Variants in MAML2 observed in about 807,000 individuals in gnomAD.
MAML2 encodes the protein mastermind-like protein 2.
MAML2 carries 22 observed loss-of-function variants against 96.1 expected under a neutral mutation model. The ratio of observed to expected loss-of-function variants is 0.23; its 90% CI spans 0.16 to 0.33. The LOEUF (loss-of-function observed/expected upper bound fraction) is 0.33, where lower values mean the gene tolerates loss of function less well. MAML2 is among the 10% of genes least tolerant of loss of function. The pLI, the probability that MAML2 is intolerant of heterozygous loss-of-function variation, is 1.00. For synonymous variants in MAML2, 561 were observed against 521.3 expected, an observed-to-expected ratio of 1.08 and a Z score of -1.04; for missense variants, 1,367 against 1,392.4, an observed-to-expected ratio of 0.98 and a Z score of 0.29.
At chr11:96,319,085 C>T (rs1364462776) in intron 1 of MAML2, among the ~76,000 whole-genome samples, 1 of 152,210 alleles carries the variant, frequency 6.6e-6, no homozygotes, top group Non-Finnish European at 1.5e-5. Context: ...TGATCTCTCT[C>T]TTGGATCACT....
At chr11:96,305,727 T>A (rs1053778676) in intron 1 of MAML2, among the ~76,000 whole-genome samples, 1 of 152,130 alleles carries the variant, frequency 6.6e-6, no homozygotes, top group Non-Finnish European at 1.5e-5. Flanking sequence ...TTCCACAACT[T>A]CTATGATGAA....
At chr11:96,130,535 A>C (rs1259658236) in intron 1 of MAML2, among the ~76,000 whole-genome samples, 1 of 152,220 alleles carries the variant, frequency 6.6e-6, no homozygotes, top group East Asian at 1.9e-4. Context: ...ATCTAGGGAC[A>C]CGAAAGATGA....
intron 1 of MAML2, among the ~76,000 whole-genome samples, chr11:96,340,679 TCTAAGGGAGCATTA>T (rs1281633208): frequency 2.0e-5 from 3 of 152,196 alleles, no homozygotes; most frequent in Non-Finnish European, 4.4e-5. Context: ...TAACGAATGC[TCTAAGGGAGCATTA>T]CTGGATTGGA....
At chr11:96,289,799 C>T (rs1213902191) in intron 1 of MAML2, among the ~76,000 whole-genome samples, 1 of 151,844 alleles carries the variant, frequency 6.6e-6, no homozygotes, top group African/African-American at 2.4e-5. Flanking sequence ...TGGGTATACA[C>T]ATCATACATT....
chr11:96,335,187 A>T (rs1565287378), intron 1 of MAML2, among the ~76,000 whole-genome samples: 1 of 152,256 alleles, frequency 6.6e-6, no homozygotes. Flanking sequence ...CAAGTAAAAA[A>T]TTTGTAACAC....
At chr11:96,145,828 C>T (rs968767229) in intron 1 of MAML2, among the ~76,000 whole-genome samples, 1 of 151,956 alleles carries the variant, frequency 6.6e-6, no homozygotes, top group South Asian at 2.1e-4. Context: ...GCCAACATGG[C>T]GAAACCCCGT....
rs1408136811 is a variant in MAML2, at chr11:96,131,946, G to T, written c.514-38429C>A. Among the ~76,000 whole-genome samples, 3 of 152,142 alleles carry T rather than the reference G, an allele frequency of 2.0e-5. No individual in the cohort carries two copies. The East Asian group carries it at 5.8e-4, about 29-fold the overall frequency. ...AATCTCTTGAACCCAGGAGGTAGAG[G>T]TTGCAGTGAGCCGAGACTGTGCTAT... On this transcript the variant is annotated intron_variant, in intron 1 of 4. Transcript: ENST00000524717.
intron 1 of MAML2, among the ~76,000 whole-genome samples, chr11:96,183,014 G>A (rs1861512546): frequency 6.9e-6 from 1 of 145,254 alleles, no homozygotes; most frequent in South Asian, 2.2e-4. Flanking sequence ...CTGGAGTGCA[G>A]TGGCATGATC....
intron 1 of MAML2, among the ~76,000 whole-genome samples, chr11:96,145,419 C>T (rs1283216217): frequency 6.6e-6 from 1 of 152,172 alleles, no homozygotes. Context: ...ACTCTGCCTC[C>T]TCATTTAAAT....
At chr11:96,143,290 C>A (rs1860764341) in intron 1 of MAML2, among the ~76,000 whole-genome samples, 1 of 152,088 alleles carries the variant, frequency 6.6e-6, no homozygotes, top group Admixed American at 6.5e-5. Context: ...CTTAAATATG[C>A]CTAATTACAA....
At chr11:96,286,683 T>C (rs1190920691) in intron 1 of MAML2, among the ~76,000 whole-genome samples, 1 of 151,810 alleles carries the variant, frequency 6.6e-6, no homozygotes, top group African/African-American at 2.4e-5. Flanking sequence ...TAATGTTTGT[T>C]GAATAAATTA....
chr11:96,336,257 G>GT (rs1332957994), intron 1 of MAML2, among the ~76,000 whole-genome samples: 1 of 152,060 alleles, frequency 6.6e-6, no homozygotes, highest in Non-Finnish European at 1.5e-5. Flanking sequence ...TTACTCACCT[G>GT]TTTTTTGCAG....
chr11:96,056,195 C>T (rs747760555), intron 2 of MAML2, among the ~76,000 whole-genome samples: 1 of 152,114 alleles, frequency 6.6e-6, no homozygotes, highest in Non-Finnish European at 1.5e-5. Flanking sequence ...GCATCCCTGC[C>T]CCCACAGGGC....
chr11:96,087,972 G>A (rs188777500), intron 2 of MAML2, among the ~76,000 whole-genome samples: 2 of 152,170 alleles, frequency 1.3e-5, no homozygotes, highest in Non-Finnish European at 1.5e-5. Flanking sequence ...GCATATGAAA[G>A]TTACATTGAT....
intron 1 of MAML2, among the ~76,000 whole-genome samples, chr11:96,128,775 A>G (rs1419842320): frequency 6.6e-6 from 1 of 152,246 alleles, no homozygotes; most frequent in African/African-American, 2.4e-5. Context: ...GCAAAATGGC[A>G]TTTAAGTGAT....
intron 2 of MAML2, among the ~76,000 whole-genome samples, chr11:96,034,343 C>T (rs1858665355): frequency 6.6e-6 from 1 of 151,946 alleles, no homozygotes; most frequent in Non-Finnish European, 1.5e-5. Flanking sequence ...CCCCATCTCC[C>T]TGTCCTTTCA....
Position 96,203,762 on chromosome 11 carries a change from G to T in MAML2, c.514-110245C>A, listed in dbSNP as rs1018568454. ...ACTTTGGAATGAGTGAATCAGTGCAGGTCAGCCATGCATGAAAATATTTAG... is the reference window on the plus strand; with the variant it reads ...ACTTTGGAATGAGTGAATCAGTGCATGTCAGCCATGCATGAAAATATTTAG... On this transcript the variant is annotated intron_variant, in intron 1 of 4. Transcript: ENST00000524717. Among the ~76,000 whole-genome samples, 5 of 152,196 alleles carry T rather than the reference G, an allele frequency of 3.3e-5. No homozygotes were observed. The East Asian group carries it at 9.6e-4, about 29-fold the overall frequency.
At chr11:96,339,805 C>A (rs542159194) in intron 1 of MAML2, among the ~76,000 whole-genome samples, 1 of 152,300 alleles carries the variant, frequency 6.6e-6, no homozygotes, top group African/African-American at 2.4e-5. Flanking sequence ...CTTTACCCCC[C>A]TCCTTTACCC....
At chr11:96,007,557 C>T (rs927347180) in intron 2 of MAML2, among the ~76,000 whole-genome samples, 1 of 151,894 alleles carries the variant, frequency 6.6e-6, no homozygotes, top group Non-Finnish European at 1.5e-5. Flanking sequence ...TTTTCTTTTA[C>T]TACATAGTGG....
Sources: allele counts gnomAD v4.1 joint callset (sites outside exome capture counted in the v4.1 genomes callset), GRCh38; gene constraint gnomAD v4.1.1; transcripts MANE v1.5; gene names NCBI Gene and HGNC (gene_info 2026-07-23, HGNC 2026-07-21).